The following WDFY2 variants were observed in gnomAD, a reference collection of about 807,000 sequenced individuals.
The protein encoded by WDFY2 is WD repeat and FYVE domain containing 2, also known as WD repeat and FYVE domain-containing protein 2.
WDFY2 carries 36 observed loss-of-function variants against 56.4 expected under a neutral mutation model. The observed-to-expected ratio is 0.64, with a 90% CI of 0.49 to 0.84. The LOEUF (loss-of-function observed/expected upper bound fraction) is 0.84. WDFY2 is among the 40% of genes least tolerant of loss of function. The probability of loss-of-function intolerance (pLI) is 0.00; values close to 1 mark genes in which losing one functional copy is unlikely to be tolerated. For synonymous variants in WDFY2, 176 were observed against 183.7 expected, an observed-to-expected ratio of 0.96 and a Z score of 0.34; for missense variants, 444 against 512.2, an observed-to-expected ratio of 0.87 and a Z score of 1.29.
intron 1 of WDFY2, among the ~76,000 whole-genome samples, chr13:51,633,328 G>T (rs1954988783): frequency 6.6e-6 from 1 of 152,234 alleles, no homozygotes; most frequent in Admixed American, 6.5e-5. Context: ...TTAAACTTGA[G>T]TCTGATCGCC....
chr13:51,736,564 C>T (rs1952841103), intron 6 of WDFY2, among the ~76,000 whole-genome samples: 1 of 152,204 alleles, frequency 6.6e-6, no homozygotes, highest in Non-Finnish European at 1.5e-5. Context: ...GTGATCTCTG[C>T]TCACTGCAAC....
At chr13:51,646,298 T>G (rs1455130378) in intron 1 of WDFY2, among the ~76,000 whole-genome samples, 2 of 152,218 alleles carry the variant, frequency 1.3e-5, no homozygotes, top group African/African-American at 4.8e-5. Flanking sequence ...GAGGCAATGC[T>G]CCTGCAGAAT....
At chr13:51,699,704 A>C (rs1471117061) in intron 3 of WDFY2, among the ~76,000 whole-genome samples, 2 of 152,238 alleles carry the variant, frequency 1.3e-5, no homozygotes, top group Admixed American at 1.3e-4. Context: ...GATGTGGGAA[A>C]ATAAGCTGTC....
chr13:51,601,696 A>AT (rs1954286752), intron 1 of WDFY2, among the ~76,000 whole-genome samples: 1 of 152,114 alleles, frequency 6.6e-6, no homozygotes. Flanking sequence ...CTGTCATTTT[A>AT]AAGATGTAGA....
In WDFY2 at chr13:51,720,502, A is replaced by C. The variant is rs569507697; in HGVS notation, c.485+1154A>C. On this transcript the variant is annotated intron_variant, in intron 5 of 11. Transcript: ENST00000298125. ...TTTTTAAAAGCCAATTCAGATGAGC[A>C]TAATACTTAAGTTGAAATACATGAA... Among the ~76,000 whole-genome samples the C allele has an allele frequency of 3.3e-5, 5 of 152,364 alleles. No individual in the cohort carries two copies. The South Asian group carries it at 1.0e-3, about 32-fold the overall frequency.
At chr13:51,626,246 T>C (rs148431782) in intron 1 of WDFY2, among the ~76,000 whole-genome samples, 31 of 152,342 alleles carry the variant, frequency 2.0e-4, no homozygotes, top group Non-Finnish European at 3.7e-4. Context: ...ATTTGTACAA[T>C]AGAAAGAAGA....
At chr13:51,733,687 G>A (rs1952773912) in intron 6 of WDFY2, among the ~76,000 whole-genome samples, 1 of 152,224 alleles carries the variant, frequency 6.6e-6, no homozygotes, top group African/African-American at 2.4e-5. Flanking sequence ...ACAGCAGTGT[G>A]TGTGGAGACA....
At position 51,766,504 on chromosome 13, in the gene WDFY2, C is replaced by T. The variant is rs1402538677; in HGVS notation, c.*6735C>T. On this transcript the variant is annotated 3_prime_UTR_variant, in exon 12 of 12. Coordinates refer to ENST00000298125, the MANE Select transcript of WDFY2 (RefSeq NM_052950.4). ...ATAAGCCTGACATTGGAACAGATTT[C>T]TCCCGTGTGGTCTAGCTGGACCCCT... 1 of 152,210 alleles carries T rather than the reference C, an allele frequency of 6.6e-6. No homozygotes were observed. Among genetic ancestry groups the T allele is most frequent in the East Asian group, 1.9e-4 (1 of 5,194 alleles). 9.4% of individuals were successfully genotyped at this position (152,210 alleles called of 1,614,324 possible).
At chr13:51,619,505 T>C (rs1954686718) in intron 1 of WDFY2, among the ~76,000 whole-genome samples, 1 of 152,078 alleles carries the variant, frequency 6.6e-6, no homozygotes, top group African/African-American at 2.4e-5. Context: ...TATTTAAATT[T>C]AGATAATGAA....
At chr13:51,714,892 C>T (rs1324084291) in intron 4 of WDFY2, among the ~76,000 whole-genome samples, 1 of 152,176 alleles carries the variant, frequency 6.6e-6, no homozygotes, top group Non-Finnish European at 1.5e-5. Context: ...GCCTGTTGCT[C>T]CCTAGGCTTG....
intron 4 of WDFY2, among the ~76,000 whole-genome samples, chr13:51,711,559 C>A (rs1366490792): frequency 6.6e-6 from 1 of 152,092 alleles, no homozygotes; most frequent in Non-Finnish European, 1.5e-5. Context: ...GGGCTAATAC[C>A]CAGAATCTAC....
intron 1 of WDFY2, among the ~76,000 whole-genome samples, chr13:51,655,081 A>T (rs1247339902): frequency 6.6e-6 from 1 of 152,214 alleles, no homozygotes; most frequent in Non-Finnish European, 1.5e-5. Context: ...TAATTTAATT[A>T]GCTTCAGTCG....
At chr13:51,596,226 T>G (rs1954141524) in intron 1 of WDFY2, among the ~76,000 whole-genome samples, 1 of 152,186 alleles carries the variant, frequency 6.6e-6, no homozygotes, top group Non-Finnish European at 1.5e-5. Flanking sequence ...GTTAAACAGT[T>G]TTGAAAGATG....
Position 51,675,254 on chromosome 13 carries a change from A to G in WDFY2, c.279+11A>G, listed in dbSNP as rs140801431. The G allele has an allele frequency of 1.7e-5, 27 of 1,607,210 alleles. No individual in the cohort carries two copies. The highest frequency in any genetic ancestry group is 2.7e-5 in the African/African-American group (2 of 74,872). On this transcript the variant is annotated intron_variant, in intron 3 of 11. Transcript: ENST00000298125. ...AATGGTACAATCTCAGTAAGTACAC[A>G]TAAATAAGATTTCCAGTTGAAATAC...
intron 2 of WDFY2, among the ~76,000 whole-genome samples, chr13:51,667,628 G>T (rs1425137185): frequency 6.6e-6 from 1 of 152,180 alleles, no homozygotes. Context: ...TTTCTTGGCA[G>T]ATTGGGAGAA....
intron 7 of WDFY2, among the ~76,000 whole-genome samples, chr13:51,741,980 T>C (rs1045423474): frequency 1.3e-5 from 2 of 152,188 alleles, no homozygotes; most frequent in Non-Finnish European, 2.9e-5. Context: ...TGCCCTTTGC[T>C]TTCCTACAGT....
At chr13:51,604,653 T>C (rs896289880) in intron 1 of WDFY2, among the ~76,000 whole-genome samples, 4 of 152,240 alleles carry the variant, frequency 2.6e-5, no homozygotes, top group African/African-American at 9.6e-5. Flanking sequence ...AAAAAATCCT[T>C]CAGTGGCACT....
At chr13:51,608,005 A>G (rs933749290) in intron 1 of WDFY2, among the ~76,000 whole-genome samples, 2 of 152,120 alleles carry the variant, frequency 1.3e-5, no homozygotes, top group Non-Finnish European at 2.9e-5. Context: ...GCCACAAGCT[A>G]AGGAATGCTG....
intron 1 of WDFY2, among the ~76,000 whole-genome samples, chr13:51,646,944 GGGGA>G (rs1440293793): frequency 6.6e-6 from 1 of 152,176 alleles, no homozygotes; most frequent in Non-Finnish European, 1.5e-5. Context: ...TGGGGGAAGT[GGGGA>G]GGAAGGATGG....
Sources: gnomAD v4.1 joint callset for allele counts (sites outside exome capture counted in the v4.1 genomes callset) on GRCh38, gnomAD v4.1.1 for gene constraint, MANE v1.5 for transcripts, NCBI Gene and HGNC (gene_info 2026-07-23, HGNC 2026-07-21) for gene names.